IQGAP2: variants seen among roughly 807,000 people sequenced by gnomAD.
The protein encoded by IQGAP2 is ras GTPase-activating-like protein IQGAP2.
IQGAP2 carries 173 observed loss-of-function variants against 201.3 expected under a neutral mutation model. The ratio of observed to expected loss-of-function variants is 0.86; its 90% CI spans 0.76 to 0.98. IQGAP2 has a LOEUF of 0.98. Ranked by LOEUF, IQGAP2 falls within the 50% of genes least tolerant of loss-of-function variation. IQGAP2 has a pLI of 0.00. For synonymous variants in IQGAP2, 675 were observed against 673.9 expected (o/e 1.00, Z -0.03); for missense variants, 1,687 against 1,864.8 (o/e 0.90, Z 1.76).
chr5:76,632,952 C>G (rs1750825425), intron 15 of IQGAP2, among the ~76,000 whole-genome samples: 1 of 152,138 alleles, frequency 6.6e-6, no homozygotes, highest in Non-Finnish European at 1.5e-5. Context: ...AATGACCACT[C>G]TCTTACTTGG....
In IQGAP2 at chr5:76,562,545, G is replaced by T. The variant is rs766063336; in HGVS notation, c.296G>T (p.Arg99Leu). 3.1e-6 allele frequency: 5 copies of T among 1,611,890 alleles called. No individual in the cohort carries two copies. Among genetic ancestry groups the T allele is most frequent in the Non-Finnish European group, 4.2e-6 (5 of 1,179,282 alleles). Residue 99 changes from arginine to leucine, a missense_variant, in exon 3 of 36, where the codon CGT (arginine) becomes CTT (leucine). Arg to Leu is a moderately radical substitution (Grantham distance 102). Transcript: ENST00000274364. ...AAGATCTATGATGTGGAACAAACAC[G>T]TTATAAGGTAACCAAGATCTAATTG... ...EKKIYDVEQT[R>L]YKKSGLHFRH...
chr5:76,618,661 A>G, intron 13 of IQGAP2: 12 of 1,563,880 alleles, frequency 7.7e-6, no homozygotes, highest in South Asian at 1.1e-5. Flanking sequence ...GAAAGAAAGT[A>G]TTAACATAAA....
At chr5:76,658,739 A>G in intron 21 of IQGAP2, 72 bp downstream of exon 21, 1 of 1,262,336 alleles carries the variant, frequency 7.9e-7, no homozygotes, top group Non-Finnish European at 1.1e-6. Flanking sequence ...GAGTCACTTA[A>G]TGACAGGGAT....
chr5:76,544,149 T>C (rs1194068742), intron 2 of IQGAP2, among the ~76,000 whole-genome samples: 1 of 152,192 alleles, frequency 6.6e-6, no homozygotes, highest in Non-Finnish European at 1.5e-5. Flanking sequence ...CCTGTTCCCA[T>C]GGCCATGGCA....
intron 33 of IQGAP2, 142 bp from the exon 34 acceptor site, chr5:76,700,934 T>C: frequency 1.3e-6 from 1 of 754,528 alleles, no homozygotes; most frequent in Non-Finnish European, 2.1e-6. Context: ...AATTACCTAC[T>C]ATCACAAAAT....
chr5:76,568,202 T>G (rs982680630), intron 3 of IQGAP2, among the ~76,000 whole-genome samples: 1 of 152,226 alleles, frequency 6.6e-6, no homozygotes, highest in African/African-American at 2.4e-5. Context: ...TTTAAAAGGA[T>G]GAAGGATTTG....
rs2069686 is a variant in IQGAP2, at chr5:76,617,447, A to G, written c.1521+6264A>G. On this transcript the variant is annotated intron_variant, in intron 13 of 35. Transcript: ENST00000274364. ...TCAAAAACAAACAAACAAACTACTAATGCTTTTGTAATGTTTGACCTTTGA... is the reference window on the plus strand; with the variant it reads ...TCAAAAACAAACAAACAAACTACTAGTGCTTTTGTAATGTTTGACCTTTGA... The G allele has an allele frequency of 1.4e-3, 943 of 667,808 alleles. 4 individuals carry two copies. In the African/African-American group the frequency reaches 0.014, roughly 10 times the overall value. 41.4% of individuals were successfully genotyped at this position (667,808 alleles called of 1,614,324 possible).
At chr5:76,404,778 T>C (rs80217514) in intron 1 of IQGAP2, among the ~76,000 whole-genome samples, 2,750 of 152,320 alleles carry the variant, frequency 0.018, 101 homozygotes, top group African/African-American at 0.062. Flanking sequence ...CATTCAGCAG[T>C]TGACTGAGAC....
chr5:76,619,249 T>A (rs1211967480), intron 13 of IQGAP2, among the ~76,000 whole-genome samples: 2 of 152,216 alleles, frequency 1.3e-5, no homozygotes, highest in Non-Finnish European at 2.9e-5. Context: ...CATTGTCTTA[T>A]GCGAATAAAG....
intron 1 of IQGAP2, among the ~76,000 whole-genome samples, chr5:76,439,192 G>C (rs1752887574): frequency 6.6e-6 from 1 of 152,136 alleles, no homozygotes; most frequent in Non-Finnish European, 1.5e-5. Context: ...ATTTCTAGTT[G>C]TATTCCACTG....
At chr5:76,693,711 C>G in intron 31 of IQGAP2, 1 of 277,932 alleles carries the variant, frequency 3.6e-6, no homozygotes, top group East Asian at 6.8e-5. Flanking sequence ...TTTCAAAGCC[C>G]GGAAATGTTC....
intron 1 of IQGAP2, among the ~76,000 whole-genome samples, chr5:76,406,064 C>G (rs1750784478): frequency 6.6e-6 from 1 of 152,220 alleles, no homozygotes; most frequent in East Asian, 1.9e-4. Context: ...GTTCTGCTCT[C>G]TCTCCTACCC....
At chr5:76,526,655 C>T (rs1311064244) in intron 2 of IQGAP2, among the ~76,000 whole-genome samples, 5 of 152,126 alleles carry the variant, frequency 3.3e-5, no homozygotes, top group East Asian at 3.9e-4. Context: ...CCACCGGAGA[C>T]GTAGGTCCCC....
intron 33 of IQGAP2, 76 bp from the exon 34 acceptor site, chr5:76,701,000 G>C: frequency 6.8e-7 from 1 of 1,478,786 alleles, no homozygotes; most frequent in Non-Finnish European, 9.4e-7. Flanking sequence ...ATGTCACTCT[G>C]AGTATGGTAA....
chr5:76,656,198 GTTTT>G (rs899719799), intron 20 of IQGAP2, among the ~76,000 whole-genome samples: 3 of 146,720 alleles, frequency 2.0e-5, no homozygotes, highest in African/African-American at 7.6e-5. Flanking sequence ...TTTTTTGTTG[GTTTT>G]TTTTGTTTGT....
chr5:76,666,866 C>G (rs763599284), intron 22 of IQGAP2, among the ~76,000 whole-genome samples: 1 of 152,186 alleles, frequency 6.6e-6, no homozygotes, highest in African/African-American at 2.4e-5. Context: ...ACCTTGGCCT[C>G]CTGAGTAGCT....
intron 28 of IQGAP2, among the ~76,000 whole-genome samples, chr5:76,681,695 T>TA (rs546858462): frequency 6.6e-5 from 10 of 151,912 alleles, no homozygotes; most frequent in African/African-American, 2.2e-4. Flanking sequence ...CACGATCAAT[T>TA]AAAAAAAATT....
chr5:76,582,033 A>G (rs955639153), intron 5 of IQGAP2, among the ~76,000 whole-genome samples: 1 of 152,236 alleles, frequency 6.6e-6, no homozygotes, highest in African/African-American at 2.4e-5. Context: ...AAAATACTGT[A>G]CTGGTATAAT....
intron 32 of IQGAP2, among the ~76,000 whole-genome samples, chr5:76,696,601 C>T (rs1197661746): frequency 6.6e-6 from 1 of 152,044 alleles, no homozygotes; most frequent in African/African-American, 2.4e-5. Flanking sequence ...AAAAATTTCT[C>T]ACCTTCTGGA....
Sources: gnomAD v4.1 joint callset for allele counts (sites outside exome capture counted in the v4.1 genomes callset) on GRCh38, gnomAD v4.1.1 for gene constraint, MANE v1.5 for transcripts, NCBI Gene and HGNC (gene_info 2026-07-23, HGNC 2026-07-21) for gene names.